Variants in CSMD1 observed in about 807,000 individuals in gnomAD.
The protein encoded by CSMD1 is CUB and Sushi multiple domains 1.
In CSMD1, 213 loss-of-function variants were observed where a neutral mutation model predicts 417.5. The observed-to-expected ratio is 0.51, with a 90% confidence interval of 0.46 to 0.57. The LOEUF (loss-of-function observed/expected upper bound fraction) is 0.57, where lower values mean the gene tolerates loss of function less well. Among genes scored for constraint, CSMD1 ranks in the 20% least tolerant of loss-of-function variants. The pLI is 0.00. For missense variants in CSMD1, 6,923 were observed against 4,529.7 expected (o/e 1.53, Z -15.17); for synonymous variants, 2,862 against 1,736.8 (o/e 1.65, Z -16.11).
intron 26 of CSMD1, among the ~76,000 whole-genome samples, chr8:3,239,210 G>C (rs116549020): frequency 0.035 from 5,304 of 152,202 alleles, 303 homozygotes; most frequent in African/African-American, 0.12. Context: ...ATACTGAGGA[G>C]CGTAAGGGAT....
chr8:4,038,094 G>T (rs1797709349), intron 3 of CSMD1, among the ~76,000 whole-genome samples: 2 of 151,894 alleles, frequency 1.3e-5, no homozygotes, highest in African/African-American at 4.8e-5. Flanking sequence ...TCAGCAAATG[G>T]GAAAAAATGA....
chr8:4,968,578 C>T (rs1159466267), intron 1 of CSMD1, among the ~76,000 whole-genome samples: 1 of 152,018 alleles, frequency 6.6e-6, no homozygotes, highest in Non-Finnish European at 1.5e-5. Context: ...GGGCCTGAAC[C>T]AAAGGAGACT....
intron 3 of CSMD1, among the ~76,000 whole-genome samples, chr8:4,161,985 G>A (rs1387781029): frequency 6.6e-6 from 1 of 152,046 alleles, no homozygotes; most frequent in East Asian, 1.9e-4. Context: ...CTTTATGGTG[G>A]CATTGTGCCT....
intron 3 of CSMD1, among the ~76,000 whole-genome samples, chr8:4,152,853 T>C (rs1022282989): frequency 2.6e-5 from 4 of 152,170 alleles, no homozygotes; most frequent in South Asian, 2.1e-4. Flanking sequence ...TGCATGTGTA[T>C]TTATGGAGAA....
At chr8:4,485,099 G>A (rs1232997135) in intron 2 of CSMD1, among the ~76,000 whole-genome samples, 1 of 151,288 alleles carries the variant, frequency 6.6e-6, no homozygotes, top group East Asian at 2.0e-4. Flanking sequence ...TGCTGAGAGA[G>A]GGTCTGTATT....
intron 3 of CSMD1, among the ~76,000 whole-genome samples, chr8:4,078,693 A>G (rs377053432): frequency 6.6e-6 from 1 of 150,784 alleles, no homozygotes; most frequent in African/African-American, 2.4e-5. Flanking sequence ...TTGCTAATAA[A>G]TGTTTAAAAT....
chr8:3,525,833 T>C (rs1039866077), intron 10 of CSMD1, among the ~76,000 whole-genome samples: 5 of 151,790 alleles, frequency 3.3e-5, no homozygotes, highest in African/African-American at 1.2e-4. Flanking sequence ...AAAAAATCAA[T>C]AGCCCCCCAG....
At chr8:4,789,857 T>A (rs1267203136) in intron 1 of CSMD1, among the ~76,000 whole-genome samples, 2 of 152,212 alleles carry the variant, frequency 1.3e-5, no homozygotes, top group Non-Finnish European at 2.9e-5. Context: ...TTAATCTCTT[T>A]TAGTACTCTT....
chr8:4,463,122 C>T (rs189530744), intron 2 of CSMD1, among the ~76,000 whole-genome samples: 160 of 152,204 alleles, frequency 1.1e-3, no homozygotes, highest in African/African-American at 3.5e-3. Context: ...CAAGTATGGG[C>T]ACAATAATCG....
intron 1 of CSMD1, among the ~76,000 whole-genome samples, chr8:4,677,194 A>G (rs1346698488): frequency 2.7e-5 from 4 of 150,400 alleles, no homozygotes; most frequent in Admixed American, 6.6e-5. Flanking sequence ...TCAGGTAACT[A>G]TACATAATAG....
At chr8:3,812,242 C>A (rs1284872838) in intron 5 of CSMD1, among the ~76,000 whole-genome samples, 2 of 152,122 alleles carry the variant, frequency 1.3e-5, no homozygotes, top group African/African-American at 4.8e-5. Flanking sequence ...GGAAAGGGAA[C>A]TTCACAAAAT....
At chr8:3,508,600 C>G (rs560868785) in intron 10 of CSMD1, among the ~76,000 whole-genome samples, 1 of 151,982 alleles carries the variant, frequency 6.6e-6, no homozygotes, top group South Asian at 2.1e-4. Context: ...CTTATTTTAG[C>G]GATGTGTGAG....
chr8:4,069,479 G>C (rs2552115), intron 3 of CSMD1, among the ~76,000 whole-genome samples: 19,094 of 152,164 alleles, frequency 0.13, 1,285 homozygotes, highest in African/African-American at 0.17. Context: ...ATTATCTCTA[G>C]GTAAGTAAAT....
intron 23 of CSMD1, among the ~76,000 whole-genome samples, chr8:3,335,521 T>C (rs927365804): frequency 2.6e-5 from 4 of 151,954 alleles, no homozygotes; most frequent in African/African-American, 9.7e-5. Context: ...CTACTAAAAA[T>C]ACAAAATTAG....
intron 1 of CSMD1, among the ~76,000 whole-genome samples, chr8:4,668,513 G>A (rs1402488354): frequency 6.7e-6 from 1 of 150,146 alleles, no homozygotes; most frequent in Non-Finnish European, 1.5e-5. Context: ...GCAGTGGCAC[G>A]ATCTCAGCTC....
At chr8:3,885,316 A>C (rs1806486443) in intron 5 of CSMD1, among the ~76,000 whole-genome samples, 1 of 152,174 alleles carries the variant, frequency 6.6e-6, no homozygotes, top group South Asian at 2.1e-4. Flanking sequence ...GGGGTTTGTC[A>C]GTATTTATTG....
intron 5 of CSMD1, among the ~76,000 whole-genome samples, chr8:3,956,403 T>C (rs1240231800): frequency 6.6e-6 from 1 of 152,164 alleles, no homozygotes; most frequent in Non-Finnish European, 1.5e-5. Context: ...AGCCCAGAAG[T>C]CTAACTGGAG....
chr8:3,769,756 A>C (rs73658236), intron 5 of CSMD1, among the ~76,000 whole-genome samples: 2,079 of 152,188 alleles, frequency 0.014, 39 homozygotes, highest in African/African-American at 0.048. Context: ...TGCTATGGCA[A>C]TTTGGTATTA....
At chr8:3,875,468 C>G (rs1233860365) in intron 5 of CSMD1, among the ~76,000 whole-genome samples, 1 of 151,946 alleles carries the variant, frequency 6.6e-6, no homozygotes, top group East Asian at 1.9e-4. Context: ...GTGGAAAAGC[C>G]CGAACTGGGT....
Sources: allele counts gnomAD v4.1 joint callset (sites outside exome capture counted in the v4.1 genomes callset), GRCh38; gene constraint gnomAD v4.1.1; transcripts MANE v1.5; gene names NCBI Gene and HGNC (gene_info 2026-07-23, HGNC 2026-07-21).